Variants in LARGE1 observed in about 807,000 individuals in gnomAD.
The protein encoded by LARGE1 is LARGE xylosyl- and glucuronyltransferase 1.
LARGE1 carries 43 observed loss-of-function variants against 87.6 expected under a neutral mutation model. The observed-to-expected ratio is 0.49, with a 90% CI of 0.38 to 0.63. LARGE1 has a LOEUF of 0.63. Ranked by LOEUF, LARGE1 falls within the 30% of genes least tolerant of loss-of-function variation. LARGE1 has a pLI of 0.00. For missense variants in LARGE1, 802 were observed against 1,000.2 expected, an observed-to-expected ratio of 0.80 and a Z score of 2.67; for synonymous variants, 434 against 394.6, an observed-to-expected ratio of 1.10 and a Z score of -1.18.
At chr22:33,257,397 A>G (rs964197308) in intron 11 of LARGE1, among the ~76,000 whole-genome samples, 4 of 151,502 alleles carry the variant, frequency 2.6e-5, no homozygotes, top group African/African-American at 7.3e-5. Flanking sequence ...GGTGGCACAC[A>G]CCTGTAGTCC....
chr22:33,335,821 C>A (rs760817743), intron 10 of LARGE1, among the ~76,000 whole-genome samples: 19 of 152,204 alleles, frequency 1.2e-4, no homozygotes, highest in African/African-American at 4.6e-4. Context: ...TCAGACTAAA[C>A]GTCACCTCCT....
intron 11 of LARGE1, among the ~76,000 whole-genome samples, chr22:33,310,546 T>C (rs956030030): frequency 1.3e-5 from 2 of 152,130 alleles, no homozygotes; most frequent in Non-Finnish European, 2.9e-5. Context: ...GGGAGCTGCG[T>C]ACGGGAGTGC....
intron 5 of LARGE1, among the ~76,000 whole-genome samples, chr22:33,573,614 C>G (rs865932872): frequency 6.6e-6 from 1 of 152,102 alleles, no homozygotes; most frequent in African/African-American, 2.4e-5. Flanking sequence ...ACATGGCTGA[C>G]GTTCTCAAGG....
intron 9 of LARGE1, among the ~76,000 whole-genome samples, chr22:33,378,825 C>T (rs2065066798): frequency 1.3e-5 from 2 of 152,196 alleles, no homozygotes; most frequent in African/African-American, 2.4e-5. Context: ...GTCTCCTGTC[C>T]TCTGACAGAT....
rs760709669 is a variant in LARGE1, at chr22:33,785,241, A to G, written c.-82-23683T>C. 4.9e-4 allele frequency among the ~76,000 whole-genome samples: 75 copies of G among 151,764 alleles called. 2 individuals are homozygous for G. The highest frequency in any genetic ancestry group is 2.7e-4 in the Non-Finnish European group (18 of 67,880). Reference sequence around the variant, plus strand: ...TATACATATATGTGTATACATACATATGTGTATATATGCATGTGTATATGT... The same window carrying G: ...TATACATATATGTGTATACATACATGTGTGTATATATGCATGTGTATATGT... On this transcript the variant is annotated intron_variant, in intron 1 of 14. Transcript: ENST00000397394.
chr22:33,820,661 G>A (rs548247893), intron 1 of LARGE1, among the ~76,000 whole-genome samples: 1 of 152,160 alleles, frequency 6.6e-6, no homozygotes, highest in South Asian at 2.1e-4. Flanking sequence ...AATACTATAG[G>A]ATAAAATAAA....
chr22:33,331,771 C>T (rs995531323), intron 10 of LARGE1, among the ~76,000 whole-genome samples: 18 of 152,082 alleles, frequency 1.2e-4, no homozygotes, highest in African/African-American at 3.6e-4. Context: ...AGCAGGTCCT[C>T]GAGTGATCAT....
At chr22:33,675,302 A>AAAAG in intron 2 of LARGE1, among the ~76,000 whole-genome samples, 1 of 145,420 alleles carries the variant, frequency 6.9e-6, no homozygotes, top group Non-Finnish European at 1.5e-5. Context: ...CAAAAAAAAA[A>AAAAG]AAAAAAAAAA....
the LARGE1 span, among the ~76,000 whole-genome samples, chr22:33,085,986 T>C: frequency 5.8e-4 from 88 of 152,366 alleles, 1 homozygote; most frequent in Non-Finnish European, 9.8e-4. Flanking sequence ...AATTGTCTTC[T>C]ATTTTGTTCA....
chr22:33,304,590 A>G lies in LARGE1; in HGVS notation c.1452-83T>C, dbSNP rs138027072. ...GGGCCTGTTGTGGGGCTCTGCCTCC[A>G]GTGACACTTGATCAACCAGCTGTGG... is the stretch of plus-strand genomic sequence containing the variant. On this transcript the variant is annotated intron_variant, in intron 11 of 14. Transcript: ENST00000397394. 4.4e-4 allele frequency: 612 copies of G among 1,389,312 alleles called. No homozygotes were observed. The African/African-American group carries it at 8.2e-3, about 19-fold the overall frequency. 86.1% of individuals were successfully genotyped at this position (1,389,312 alleles called of 1,614,324 possible).
At chr22:33,461,818 G>T (rs1308617023) in intron 6 of LARGE1, among the ~76,000 whole-genome samples, 1 of 152,088 alleles carries the variant, frequency 6.6e-6, no homozygotes, top group Non-Finnish European at 1.5e-5. Context: ...CACTCAGGAT[G>T]CCCTATGGAG....
intron 2 of LARGE1, among the ~76,000 whole-genome samples, chr22:33,678,469 T>A (rs530906963): frequency 1.3e-5 from 2 of 152,270 alleles, no homozygotes; most frequent in Admixed American, 6.5e-5. Context: ...GAGGGGTGAC[T>A]GACATCGCAA....
intron 6 of LARGE1, among the ~76,000 whole-genome samples, chr22:33,438,175 C>T (rs1225761046): frequency 6.6e-6 from 1 of 152,154 alleles, no homozygotes; most frequent in Non-Finnish European, 1.5e-5. Context: ...CCCAAGTCTA[C>T]AGCTGTAACC....
At chr22:33,744,037 C>T (rs1035592518) in intron 2 of LARGE1, 3 of 152,298 alleles carry the variant, frequency 2.0e-5, no homozygotes, top group African/African-American at 7.2e-5. Context: ...AGTCCAAGTG[C>T]GTGCAAATTA....
At chr22:33,070,790 T>C in the LARGE1 span, among the ~76,000 whole-genome samples, 5 of 152,138 alleles carry the variant, frequency 3.3e-5, no homozygotes, top group African/African-American at 4.8e-5. Context: ...ATTTTGTGTG[T>C]TCTGGGAGAA....
intron 1 of LARGE1, among the ~76,000 whole-genome samples, chr22:33,900,584 C>T (rs1387079240): frequency 6.6e-6 from 1 of 152,162 alleles, no homozygotes; most frequent in Non-Finnish European, 1.5e-5. Context: ...AAAAATGAAG[C>T]TCAGACAGTA....
chr22:33,764,482 T>C (rs1194028189), intron 1 of LARGE1, among the ~76,000 whole-genome samples: 1 of 152,094 alleles, frequency 6.6e-6, no homozygotes, highest in Non-Finnish European at 1.5e-5. Context: ...GGCCGGGTAT[T>C]ACAGGTGGCT....
At chr22:33,466,693 T>TACACACACACACACAA (rs2068627949) in intron 6 of LARGE1, among the ~76,000 whole-genome samples, 1 of 145,248 alleles carries the variant, frequency 6.9e-6, no homozygotes, top group Non-Finnish European at 1.5e-5. Context: ...TCTCTCTCTC[T>TACACACACACACACAA]ACACACACAC....
intron 9 of LARGE1, among the ~76,000 whole-genome samples, chr22:33,359,960 T>G (rs1040361192): frequency 2.0e-5 from 3 of 149,442 alleles, no homozygotes; most frequent in African/African-American, 7.4e-5. Context: ...TGAGCCCATA[T>G]ATGGGACCAA....
Sources: allele counts gnomAD v4.1 joint callset (sites outside exome capture counted in the v4.1 genomes callset), GRCh38; gene constraint gnomAD v4.1.1; transcripts MANE v1.5; gene names NCBI Gene and HGNC (gene_info 2026-07-23, HGNC 2026-07-21).